DPYD: variants seen among roughly 807,000 people sequenced by gnomAD.
DPYD encodes the protein dihydropyrimidine dehydrogenase [NADP(+)].
Under a neutral mutation model 116.2 loss-of-function variants are expected in DPYD, and 109 were observed. That is an observed-to-expected ratio of 0.94 (90% CI 0.80 to 1.10). The LOEUF is 1.10. Ranked by LOEUF, DPYD falls within the 50% of genes least tolerant of loss-of-function variation. The pLI, the probability that DPYD is intolerant of heterozygous loss-of-function variation, is 0.00. For missense variants in DPYD, 1,302 were observed against 1,254.5 expected, an observed-to-expected ratio of 1.04 and a Z score of -0.57; for synonymous variants, 440 against 432.0, an observed-to-expected ratio of 1.02 and a Z score of -0.23.
intron 10 of DPYD, among the ~76,000 whole-genome samples, chr1:97,577,302 A>T (rs1209158802): frequency 1.3e-5 from 2 of 152,130 alleles, no homozygotes; most frequent in African/African-American, 4.8e-5. Flanking sequence ...TGATCACCAC[A>T]TCCCTATGAA....
At chr1:97,388,946 T>C (rs1287232078) in intron 14 of DPYD, among the ~76,000 whole-genome samples, 2 of 152,050 alleles carry the variant, frequency 1.3e-5, no homozygotes, top group Non-Finnish European at 2.9e-5. Context: ...TGTTTGTATC[T>C]AACAGGATAG....
At chr1:97,863,897 C>T (rs1012988012) in intron 2 of DPYD, among the ~76,000 whole-genome samples, 6 of 151,676 alleles carry the variant, frequency 4.0e-5, no homozygotes, top group African/African-American at 1.2e-4. Context: ...TATATAAAAC[C>T]CTGGAATACA....
chr1:97,383,235 G>A (rs1306663249), intron 14 of DPYD, among the ~76,000 whole-genome samples: 1 of 152,080 alleles, frequency 6.6e-6, no homozygotes, highest in East Asian at 1.9e-4. Context: ...CCAATACTTT[G>A]GGAGGCAGAG....
chr1:97,610,099 T>C (rs1242531635), intron 8 of DPYD, among the ~76,000 whole-genome samples: 3 of 152,026 alleles, frequency 2.0e-5, no homozygotes, highest in Non-Finnish European at 4.4e-5. Flanking sequence ...TTTTCATTCA[T>C]TATTTCTACA....
intron 18 of DPYD, among the ~76,000 whole-genome samples, chr1:97,280,516 T>A (rs1048004626): frequency 6.6e-6 from 1 of 151,998 alleles, no homozygotes; most frequent in Non-Finnish European, 1.5e-5. Flanking sequence ...TATAGATAAA[T>A]AAAGAAAATG....
intron 3 of DPYD, among the ~76,000 whole-genome samples, chr1:97,826,503 T>A (rs555999991): frequency 6.6e-6 from 1 of 152,216 alleles, no homozygotes; most frequent in South Asian, 2.1e-4. Flanking sequence ...ATGTATTTAC[T>A]TCAAAATAAA....
At chr1:97,360,705 C>G (rs191295361) in intron 16 of DPYD, among the ~76,000 whole-genome samples, 1 of 152,200 alleles carries the variant, frequency 6.6e-6, no homozygotes, top group Non-Finnish European at 1.5e-5. Flanking sequence ...TGAACGACTA[C>G]TGGGTAAATA....
chr1:97,197,287 T>C (rs1658882403), intron 19 of DPYD, among the ~76,000 whole-genome samples: 1 of 152,192 alleles, frequency 6.6e-6, no homozygotes, highest in Non-Finnish European at 1.5e-5. Context: ...GGGTATTTTT[T>C]TTCTTTTGAC....
Position 97,711,423 on chromosome 1 carries a change from A to C in DPYD, c.483+10087T>G, listed in dbSNP as rs78409791. Among the ~76,000 whole-genome samples, 470 of 152,088 alleles carry C rather than the reference A, an allele frequency of 3.1e-3. 4 individuals are homozygous for C. The highest frequency in any genetic ancestry group is 5.8e-3 in the Non-Finnish European group (395 of 67,876). On this transcript the variant is annotated intron_variant, in intron 5 of 22. Transcript: ENST00000370192. Reference sequence around the variant, plus strand: ...ATGTAATTTATCGCATACAGTACTGAAAGTTAAAAATAAAGTAGGTGAATG... The same window carrying C: ...ATGTAATTTATCGCATACAGTACTGCAAGTTAAAAATAAAGTAGGTGAATG...
intron 11 of DPYD, among the ~76,000 whole-genome samples, chr1:97,552,124 G>T (rs1651368455): frequency 6.6e-6 from 1 of 151,980 alleles, no homozygotes; most frequent in African/African-American, 2.4e-5. Context: ...CTTAAGTAGG[G>T]TCCCTCACTT....
chr1:97,195,588 ATATATATGTG>A lies in DPYD; in HGVS notation c.2443-2350_2443-2341del, dbSNP rs1197053825. Among the ~76,000 whole-genome samples the A allele has an allele frequency of 2.2e-4, 13 of 59,276 alleles. 1 individual carries two copies. Among genetic ancestry groups the A allele is most frequent in the East Asian group, 7.8e-4 (1 of 1,284 alleles). The allele number at this position is 59,276 out of a possible 152,430, so 38.9% of individuals were successfully genotyped here. A position where few individuals can be genotyped will look rare whatever the true frequency, so the allele number is the denominator to read the frequency against. Reference sequence around the variant, plus strand: ...AACTCTCATATATATATATATATATATATATATGTGTGTGTGTGTATATATATGTATGTGT... The same window carrying A: ...AACTCTCATATATATATATATATATATGTGTGTGTATATATATGTATGTGT... On this transcript the variant is annotated intron_variant, in intron 19 of 22. Coordinates refer to ENST00000370192, the MANE Select transcript of DPYD (RefSeq NM_000110.4).
intron 3 of DPYD, among the ~76,000 whole-genome samples, chr1:97,799,182 C>T (rs530819491): frequency 6.6e-6 from 1 of 152,068 alleles, no homozygotes; most frequent in South Asian, 2.1e-4. Context: ...AGCCTGGAAG[C>T]CTGTACACTG....
At chr1:97,907,325 T>C (rs1454561255) in intron 1 of DPYD, among the ~76,000 whole-genome samples, 3 of 152,096 alleles carry the variant, frequency 2.0e-5, no homozygotes, top group Admixed American at 6.6e-5. Context: ...AACAAACATC[T>C]TTTCCCTTCA....
intron 16 of DPYD, among the ~76,000 whole-genome samples, chr1:97,361,136 C>T (rs1670703195): frequency 6.6e-6 from 1 of 152,026 alleles, no homozygotes; most frequent in Non-Finnish European, 1.5e-5. Context: ...ACCACGGATC[C>T]CACAGAAATA....
chr1:97,132,186 T>C (rs1284009942), intron 20 of DPYD, among the ~76,000 whole-genome samples: 1 of 152,186 alleles, frequency 6.6e-6, no homozygotes, highest in Non-Finnish European at 1.5e-5. Context: ...CTCAGCATTC[T>C]TTAGGTCAGT....
At chr1:97,138,846 T>C (rs939376802) in intron 20 of DPYD, among the ~76,000 whole-genome samples, 34 of 152,256 alleles carry the variant, frequency 2.2e-4, no homozygotes, top group African/African-American at 7.5e-4. Flanking sequence ...CTCCTCTGGC[T>C]TTCTGTCTGC....
At chr1:97,645,781 C>A (rs758886878) in intron 8 of DPYD, among the ~76,000 whole-genome samples, 1 of 151,994 alleles carries the variant, frequency 6.6e-6, no homozygotes, top group Non-Finnish European at 1.5e-5. Context: ...TTTTGAGCCC[C>A]AATCTTACTA....
At chr1:97,725,195 T>C (rs1378559017) in intron 4 of DPYD, among the ~76,000 whole-genome samples, 1 of 151,596 alleles carries the variant, frequency 6.6e-6, no homozygotes, top group Non-Finnish European at 1.5e-5. Context: ...AGTAATTCCA[T>C]TTACAACAGC....
At chr1:97,206,667 T>TAC (rs1435602585) in intron 19 of DPYD, among the ~76,000 whole-genome samples, 5 of 118,942 alleles carry the variant, frequency 4.2e-5, no homozygotes, top group African/African-American at 1.5e-4. Context: ...TATATATATA[T>TAC]ATATATATAT....
Sources: gnomAD v4.1 joint callset for allele counts (sites outside exome capture counted in the v4.1 genomes callset) on GRCh38, gnomAD v4.1.1 for gene constraint, MANE v1.5 for transcripts, NCBI Gene and HGNC (gene_info 2026-07-23, HGNC 2026-07-21) for gene names.